FARS2: variants seen among roughly 807,000 people sequenced by gnomAD.
FARS2 encodes the protein phenylalanyl-tRNA synthetase 2, mitochondrial, also known as phenylalanine--tRNA ligase, mitochondrial.
In FARS2, 40 loss-of-function variants were observed where a neutral mutation model predicts 46.4. That is an observed-to-expected ratio of 0.86 (90% CI 0.67 to 1.12). The LOEUF is 1.12. Among genes scored for constraint, FARS2 ranks in the 50% most tolerant of loss-of-function variants. The pLI is 0.00. For synonymous variants in FARS2, 234 were observed against 214.9 expected (o/e 1.09, Z -0.78); for missense variants, 513 against 567.9 (o/e 0.90, Z 0.98).
rs554725874 is a variant in FARS2 at position 5,731,841 on chromosome 6, G to T, written c.1218-39450G>T. Reference sequence around the variant, plus strand: ...GGTCCTCAACATTTGCTAGATGGCTGGGACCCTTCCCCCTCTCAGTGTCCT... The same window carrying T: ...GGTCCTCAACATTTGCTAGATGGCTTGGACCCTTCCCCCTCTCAGTGTCCT... On this transcript the variant is annotated intron_variant, in intron 6 of 6. Coordinates refer to ENST00000274680, the MANE Select transcript of FARS2 (RefSeq NM_006567.5). Among the ~76,000 whole-genome samples, 3 of 152,218 alleles carry T rather than the reference G, an allele frequency of 2.0e-5. No homozygotes were observed. In the South Asian group the frequency reaches 6.2e-4, roughly 32 times the overall value.
At chr6:5,260,324 G>C (rs1764958361), upstream of FARS2, among the ~76,000 whole-genome samples, 1 of 152,202 alleles carries the variant, frequency 6.6e-6, no homozygotes, top group South Asian at 2.1e-4. Flanking sequence ...CTTCACAAAT[G>C]ACTGATTTCC....
upstream of FARS2, chr6:5,260,969 G>A: frequency 8.1e-7 from 1 of 1,241,822 alleles, no homozygotes; most frequent in Non-Finnish European, 1.0e-6. Context: ...TAAGGGGGCG[G>A]TGCTGGGAGG....
intron 5 of FARS2, among the ~76,000 whole-genome samples, chr6:5,593,436 C>T (rs1774032828): frequency 6.6e-6 from 1 of 152,170 alleles, no homozygotes. Context: ...AGAGAAACAC[C>T]TCCAACTGAA....
intron 3 of FARS2, among the ~76,000 whole-genome samples, chr6:5,409,119 C>T (rs561541194): frequency 1.3e-5 from 2 of 152,206 alleles, no homozygotes; most frequent in Non-Finnish European, 2.9e-5. Context: ...TGATGCCTGT[C>T]CTGACATGGT....
intron 6 of FARS2, among the ~76,000 whole-genome samples, chr6:5,744,745 G>A (rs1294129176): frequency 6.6e-6 from 1 of 152,230 alleles, no homozygotes; most frequent in Admixed American, 6.5e-5. Flanking sequence ...AAAGCTCAGG[G>A]CAGTCCCGTG....
At chr6:5,376,847 T>G (rs1759412644) in intron 2 of FARS2, among the ~76,000 whole-genome samples, 3 of 152,188 alleles carry the variant, frequency 2.0e-5, no homozygotes, top group African/African-American at 7.2e-5. Flanking sequence ...CAATTTTTCT[T>G]TAATCCAGCT....
chr6:5,459,454 G>A (rs1324742031), intron 4 of FARS2, among the ~76,000 whole-genome samples: 2 of 151,586 alleles, frequency 1.3e-5, no homozygotes, highest in African/African-American at 2.4e-5. Flanking sequence ...CCACTTTTGT[G>A]GGAACTTCTT....
chr6:5,294,063 A>T (rs1767685627), intron 1 of FARS2, among the ~76,000 whole-genome samples: 2 of 152,232 alleles, frequency 1.3e-5, no homozygotes, highest in Non-Finnish European at 2.9e-5. Context: ...ACAACCTAGC[A>T]TCTAGCCTGA....
chr6:5,378,430 A>G (rs1581929064), intron 2 of FARS2, among the ~76,000 whole-genome samples: 1 of 151,962 alleles, frequency 6.6e-6, no homozygotes, highest in East Asian at 1.9e-4. Context: ...AGAAAATCTC[A>G]CTTTTGCTGC....
intron 5 of FARS2, among the ~76,000 whole-genome samples, chr6:5,598,396 T>G (rs1774323264): frequency 6.6e-6 from 1 of 152,086 alleles, no homozygotes; most frequent in African/African-American, 2.4e-5. Context: ...AATCAATCAA[T>G]AAATAAATGA....
In FARS2 at chr6:5,368,765, C is replaced by T; in HGVS notation, c.195C>T (p.Asn65=). The T allele has an allele frequency of 6.2e-7, 1 of 1,614,168 alleles. No homozygotes were observed. The highest frequency in any genetic ancestry group is 8.5e-7 in the Non-Finnish European group (1 of 1,180,030). Reference sequence around the variant, plus strand: ...CCTACCCTCAGGACGACCACAGCAACCTCACCCGGAAGGTCCTCACCAGAG... The same window carrying T: ...CCTACCCTCAGGACGACCACAGCAATCTCACCCGGAAGGTCCTCACCAGAG... ...GKSYPQDDHS[N]LTRKVLTRVG... is the part of the protein sequence containing the mutation. The change falls in exon 2 of 7, where the codon AAC becomes AAT. Residue 65 remains asparagine (N), a synonymous_variant. Transcript: ENST00000274680.
upstream of FARS2, among the ~76,000 whole-genome samples, chr6:5,256,191 T>A (rs1253797199): frequency 6.6e-6 from 1 of 151,974 alleles, no homozygotes; most frequent in East Asian, 1.9e-4. Flanking sequence ...AAGACAAAAT[T>A]TAAGAATGTG....
chr6:5,494,915 T>G (rs1207909093), intron 4 of FARS2, among the ~76,000 whole-genome samples: 1 of 152,246 alleles, frequency 6.6e-6, no homozygotes, highest in Non-Finnish European at 1.5e-5. Flanking sequence ...AGCTTCCTTA[T>G]AGTTCAGATT....
the FARS2 span, among the ~76,000 whole-genome samples, chr6:5,251,922 C>T: frequency 1.1e-4 from 16 of 152,278 alleles, no homozygotes; most frequent in African/African-American, 3.6e-4. Context: ...ATCTGGATTG[C>T]GACTGGTAAT....
At position 5,266,318 on chromosome 6, in the gene FARS2, G is replaced by C. The variant is rs148089966; in HGVS notation, c.-22+4658G>C. Among the ~76,000 whole-genome samples, 413 of 152,274 alleles carry C rather than the reference G, an allele frequency of 2.7e-3. 1 individual carries two copies. The highest frequency in any genetic ancestry group is 7.8e-3 in the African/African-American group (325 of 41,544). On this transcript the variant is annotated intron_variant, in intron 1 of 6. Transcript: ENST00000274680. ...CATGAGATGAGCTGAATCCTGATAT[G>C]ATTTGAGTTAGTCTTCCCATGACCT...
Position 5,621,856 on chromosome 6 carries a change from C to T in FARS2, c.1217+8536C>T, listed in dbSNP as rs192483244. Among the ~76,000 whole-genome samples the T allele has an allele frequency of 3.9e-5, 6 of 152,334 alleles. No homozygotes were observed. In the East Asian group the frequency reaches 1.2e-3, roughly 29 times the overall value. ...TGAGGGAAGGTCTAAGGGCCAGAGA[C>T]CCTCAGCCTCTGGGTGCCTCTGGCT... is the stretch of plus-strand genomic sequence containing the variant. On this transcript the variant is annotated intron_variant, in intron 6 of 6. Coordinates refer to ENST00000274680, the MANE Select transcript of FARS2 (RefSeq NM_006567.5).
At chr6:5,524,684 A>G (rs1769353685) in intron 4 of FARS2, among the ~76,000 whole-genome samples, 1 of 152,180 alleles carries the variant, frequency 6.6e-6, no homozygotes, top group Admixed American at 6.5e-5. Context: ...AGTACTGCCA[A>G]TTATTCTTGC....
intron 4 of FARS2, among the ~76,000 whole-genome samples, chr6:5,492,354 G>T (rs1417479260): frequency 6.6e-6 from 1 of 152,136 alleles, no homozygotes; most frequent in Non-Finnish European, 1.5e-5. Context: ...CTCAATACAG[G>T]ACTGATTTAT....
intron 5 of FARS2, among the ~76,000 whole-genome samples, chr6:5,565,351 TA>T (rs1772264385): frequency 6.6e-6 from 1 of 152,196 alleles, no homozygotes; most frequent in African/African-American, 2.4e-5. Context: ...GTCAGTTTTT[TA>T]TGAGCTCTGT....
Sources: gnomAD v4.1 joint callset for allele counts (sites outside exome capture counted in the v4.1 genomes callset) on GRCh38, gnomAD v4.1.1 for gene constraint, MANE v1.5 for transcripts, NCBI Gene and HGNC (gene_info 2026-07-23, HGNC 2026-07-21) for gene names.